The following RNF216 variants were observed in gnomAD, a reference collection of about 807,000 sequenced individuals.
RNF216 encodes E3 ubiquitin-protein ligase RNF216.
Under a neutral mutation model 110.8 loss-of-function variants are expected in RNF216, and 72 were observed. The observed-to-expected ratio is 0.65, with a 90% CI of 0.54 to 0.79. RNF216 has a LOEUF of 0.79. Among genes scored for constraint, RNF216 ranks in the 30% least tolerant of loss-of-function variants. The probability of loss-of-function intolerance (pLI) is 0.00; values close to 1 mark genes in which losing one functional copy is unlikely to be tolerated. For synonymous variants in RNF216, 495 were observed against 407.5 expected, an observed-to-expected ratio of 1.21 and a Z score of -2.59; for missense variants, 1,342 against 1,141.2, an observed-to-expected ratio of 1.18 and a Z score of -2.54.
chr7:5,719,659 T>A (rs1793291094), intron 9 of RNF216, among the ~76,000 whole-genome samples: 1 of 152,244 alleles, frequency 6.6e-6, no homozygotes, highest in South Asian at 2.1e-4. Context: ...TCAATGAATG[T>A]CATTCTATAA....
chr7:5,740,104 C>CTTTTTTTTTTTTTT (rs71004698), intron 4 of RNF216, among the ~76,000 whole-genome samples: 21 of 118,486 alleles, frequency 1.8e-4, no homozygotes, highest in Non-Finnish European at 2.6e-4. Context: ...GATGTAACAC[C>CTTTTTTTTTTTTTT]TTTTTTTTTT....
chr7:5,705,528 C>T (rs556705378), intron 13 of RNF216, among the ~76,000 whole-genome samples: 1 of 152,290 alleles, frequency 6.6e-6, no homozygotes. Context: ...CAAACTCAAA[C>T]CTCAGTAGTT....
chr7:5,673,997 T>C (rs2128598422), intron 13 of RNF216, among the ~76,000 whole-genome samples: 1 of 151,336 alleles, frequency 6.6e-6, no homozygotes, highest in Non-Finnish European at 1.5e-5. Context: ...GTGGCTGAGA[T>C]TACAGGTGTG....
At chr7:5,694,008 A>C (rs1192358839) in intron 13 of RNF216, among the ~76,000 whole-genome samples, 1 of 152,226 alleles carries the variant, frequency 6.6e-6, no homozygotes, top group Non-Finnish European at 1.5e-5. Flanking sequence ...AGAACATGAG[A>C]GAAGCACAGT....
At chr7:5,702,949 T>C (rs1267210977) in intron 13 of RNF216, among the ~76,000 whole-genome samples, 1 of 152,152 alleles carries the variant, frequency 6.6e-6, no homozygotes, top group Non-Finnish European at 1.5e-5. Context: ...TGGGGACCAA[T>C]ATGAGCTGAG....
At chr7:5,653,509 G>A (rs897377808) in intron 13 of RNF216, among the ~76,000 whole-genome samples, 1 of 146,588 alleles carries the variant, frequency 6.8e-6, no homozygotes, top group South Asian at 2.1e-4. Context: ...GCTGAAGCAG[G>A]AGAAAGGCGT....
rs367944850 is a variant in RNF216 at position 5,744,926 on chromosome 7, C to A, written c.202-3111G>T. Reference sequence around the variant, plus strand: ...GGCAGAGGTTGCAGTGAGCCAAGATCGCGCCATTGCACTCCAGCCTGGGTG... The same window carrying A: ...GGCAGAGGTTGCAGTGAGCCAAGATAGCGCCATTGCACTCCAGCCTGGGTG... On this transcript the variant is annotated intron_variant, in intron 3 of 16. Coordinates refer to ENST00000389902, the MANE Select transcript of RNF216 (RefSeq NM_207111.4). 3.6e-4 allele frequency among the ~76,000 whole-genome samples: 54 copies of A among 151,662 alleles called. No homozygotes were observed. In the East Asian group the frequency reaches 7.0e-3, roughly 20 times the overall value.
intron 1 of RNF216, among the ~76,000 whole-genome samples, chr7:5,766,636 A>C (rs1796224067): frequency 6.6e-6 from 1 of 152,236 alleles, no homozygotes; most frequent in South Asian, 2.1e-4. Flanking sequence ...CAAATTCCAG[A>C]ACTGTGAGAA....
At chr7:5,685,450 T>C (rs1040367203) in intron 13 of RNF216, among the ~76,000 whole-genome samples, 3 of 152,202 alleles carry the variant, frequency 2.0e-5, no homozygotes, top group African/African-American at 7.2e-5. Context: ...GGCAGGGCTA[T>C]AGAAATTGTT....
chr7:5,703,972 G>A (rs1308168968), intron 13 of RNF216, among the ~76,000 whole-genome samples: 1 of 152,184 alleles, frequency 6.6e-6, no homozygotes, highest in Admixed American at 6.5e-5. Flanking sequence ...CTCCTTTTAT[G>A]TAACACTCTT....
chr7:5,717,689 A>G (rs1793150301), intron 9 of RNF216, among the ~76,000 whole-genome samples: 1 of 152,268 alleles, frequency 6.6e-6, no homozygotes, highest in Non-Finnish European at 1.5e-5. Context: ...CAAAAAGGAA[A>G]GAGAAAAATC....
intron 13 of RNF216, among the ~76,000 whole-genome samples, chr7:5,706,666 G>A (rs1484465756): frequency 6.6e-6 from 1 of 152,210 alleles, no homozygotes; most frequent in Non-Finnish European, 1.5e-5. Context: ...TGTGAATAAT[G>A]CTGCAATGAA....
intron 13 of RNF216, among the ~76,000 whole-genome samples, chr7:5,689,593 T>C (rs750440865): frequency 2.6e-5 from 4 of 151,936 alleles, no homozygotes; most frequent in Non-Finnish European, 5.9e-5. Flanking sequence ...GCATAAGAAA[T>C]GTAGTTTTAG....
At chr7:5,705,079 C>G (rs989746379) in intron 13 of RNF216, among the ~76,000 whole-genome samples, 2 of 152,132 alleles carry the variant, frequency 1.3e-5, no homozygotes, top group Admixed American at 1.3e-4. Flanking sequence ...GGGCACCTTA[C>G]CCCTCTCCTC....
At chr7:5,745,310 T>G (rs896222181) in intron 3 of RNF216, among the ~76,000 whole-genome samples, 4 of 152,204 alleles carry the variant, frequency 2.6e-5, no homozygotes, top group Admixed American at 2.0e-4. Context: ...TTTTTTTAAG[T>G]CAAAGTAAAT....
chr7:5,652,335 T>G, intron 14 of RNF216, 78 bp downstream of exon 14: 1 of 1,021,580 alleles, frequency 9.8e-7, no homozygotes, highest in Non-Finnish European at 1.6e-6. Context: ...CCGACAACAG[T>G]ATGCCCTCTC....
intron 3 of RNF216, among the ~76,000 whole-genome samples, chr7:5,742,110 G>T (rs571629070): frequency 6.6e-6 from 1 of 152,110 alleles, no homozygotes; most frequent in Non-Finnish European, 1.5e-5. Flanking sequence ...GCAATGGTGC[G>T]ATCTCGGCTC....
chr7:5,764,048 A>G (rs1302399516), intron 1 of RNF216, among the ~76,000 whole-genome samples: 1 of 151,778 alleles, frequency 6.6e-6, no homozygotes, highest in Non-Finnish European at 1.5e-5. Flanking sequence ...GAAATTATCC[A>G]GATGTGGTGG....
chr7:5,709,383 T>C (rs565731176), intron 13 of RNF216, among the ~76,000 whole-genome samples: 6 of 152,302 alleles, frequency 3.9e-5, no homozygotes, highest in Middle Eastern at 6.8e-3. Context: ...TTCCCCAGCC[T>C]TTGATGCAAC....
Sources: gnomAD v4.1 joint callset for allele counts (sites outside exome capture counted in the v4.1 genomes callset) on GRCh38, gnomAD v4.1.1 for gene constraint, MANE v1.5 for transcripts, NCBI Gene and HGNC (gene_info 2026-07-23, HGNC 2026-07-21) for gene names.